PRKN: variants seen among roughly 807,000 people sequenced by gnomAD.
The protein encoded by PRKN is E3 ubiquitin-protein ligase parkin.
Under a neutral mutation model 59.5 loss-of-function variants are expected in PRKN, and 56 were observed. The ratio of observed to expected loss-of-function variants is 0.94; its 90% CI spans 0.76 to 1.18. PRKN has a LOEUF of 1.18. PRKN is among the 50% of genes most tolerant of loss of function. The pLI, the probability that PRKN is intolerant of heterozygous loss-of-function variation, is 0.00. For missense variants in PRKN, 657 were observed against 596.4 expected (o/e 1.10, Z -1.06); for synonymous variants, 250 against 222.1 (o/e 1.13, Z -1.12).
At chr6:161,726,302 G>A (rs968489594) in intron 7 of PRKN, among the ~76,000 whole-genome samples, 3 of 152,214 alleles carry the variant, frequency 2.0e-5, no homozygotes, top group African/African-American at 7.2e-5. Flanking sequence ...ACCACTTGCT[G>A]TAGTAAAAAT....
chr6:162,552,005 C>T (rs570441159), intron 1 of PRKN, among the ~76,000 whole-genome samples: 1 of 151,942 alleles, frequency 6.6e-6, no homozygotes, highest in Non-Finnish European at 1.5e-5. Flanking sequence ...AACTAGGTAT[C>T]CTACCTAGAA....
At chr6:162,423,009 T>C (rs1562753940) in intron 2 of PRKN, among the ~76,000 whole-genome samples, 3 of 151,178 alleles carry the variant, frequency 2.0e-5, no homozygotes, top group Non-Finnish European at 2.9e-5. Context: ...AAATGATTAT[T>C]CTTCTAGTCG....
intron 4 of PRKN, among the ~76,000 whole-genome samples, chr6:162,165,831 C>T (rs544086552): frequency 1.3e-5 from 2 of 151,776 alleles, no homozygotes; most frequent in South Asian, 4.2e-4. Flanking sequence ...GGCGGATCCC[C>T]TTAGGTCAGG....
intron 5 of PRKN, among the ~76,000 whole-genome samples, chr6:161,978,193 G>C (rs756823474): frequency 6.6e-6 from 1 of 152,078 alleles, no homozygotes; most frequent in South Asian, 2.1e-4. Context: ...GGGATTACAG[G>C]CATGTGCCAC....
chr6:162,120,654 T>G (rs145957701), intron 4 of PRKN, among the ~76,000 whole-genome samples: 1 of 152,200 alleles, frequency 6.6e-6, no homozygotes, highest in African/African-American at 2.4e-5. Flanking sequence ...TTCCTGAATA[T>G]GTAATTAGAA....
intron 1 of PRKN, among the ~76,000 whole-genome samples, chr6:162,608,083 T>C (rs1781996236): frequency 6.6e-6 from 1 of 152,186 alleles, no homozygotes; most frequent in African/African-American, 2.4e-5. Flanking sequence ...TTTTGTGTTT[T>C]TACAGAAGAC....
chr6:161,537,658 A>G lies in PRKN; in HGVS notation c.1083+11196T>C, dbSNP rs530051857. Among the ~76,000 whole-genome samples the G allele has an allele frequency of 2.8e-3, 430 of 152,168 alleles. 1 individual carries two copies. The highest frequency in any genetic ancestry group is 9.7e-3 in the African/African-American group (401 of 41,528). On this transcript the variant is annotated intron_variant, in intron 9 of 11. Coordinates refer to ENST00000366898, the MANE Select transcript of PRKN (RefSeq NM_004562.3). ...AGTAGAGACGGGGTTTCACCATGTT[A>G]GCCTGGATGGTCTCGATCTCCTGAC...
chr6:161,909,352 AT>A (rs1778267295), intron 6 of PRKN, among the ~76,000 whole-genome samples: 3 of 152,126 alleles, frequency 2.0e-5, no homozygotes, highest in Admixed American at 2.0e-4. Flanking sequence ...TATTTCATCT[AT>A]TTGTTCTGAA....
chr6:162,579,106 A>AT (rs1376046856), intron 1 of PRKN, among the ~76,000 whole-genome samples: 2 of 152,184 alleles, frequency 1.3e-5, no homozygotes, highest in Admixed American at 6.5e-5. Flanking sequence ...TAGCAAATGA[A>AT]TGTTGAGCCT....
intron 6 of PRKN, among the ~76,000 whole-genome samples, chr6:161,969,060 G>C (rs1780696089): frequency 6.6e-6 from 1 of 152,138 alleles, no homozygotes; most frequent in Non-Finnish European, 1.5e-5. Context: ...AAATTATGCT[G>C]AAAGAGAGGC....
At chr6:161,914,814 CATTA>C (rs1778494970) in intron 6 of PRKN, among the ~76,000 whole-genome samples, 1 of 151,834 alleles carries the variant, frequency 6.6e-6, no homozygotes, top group Non-Finnish European at 1.5e-5. Context: ...CCACAGGCTC[CATTA>C]ACAAGCAGGA....
intron 1 of PRKN, among the ~76,000 whole-genome samples, chr6:162,484,151 G>T (rs1243297256): frequency 1.3e-5 from 2 of 152,202 alleles, no homozygotes; most frequent in African/African-American, 2.4e-5. Flanking sequence ...GGCAAGAGAA[G>T]TTGGTGGGAA....
chr6:162,626,289 C>A (rs528835880), intron 1 of PRKN, among the ~76,000 whole-genome samples: 2 of 152,160 alleles, frequency 1.3e-5, no homozygotes, highest in East Asian at 3.9e-4. Context: ...GTAATGTTTC[C>A]ATTTGAAAGG....
intron 2 of PRKN, among the ~76,000 whole-genome samples, chr6:162,438,051 C>T (rs749332281): frequency 1.3e-5 from 2 of 152,084 alleles, no homozygotes; most frequent in African/African-American, 4.8e-5. Flanking sequence ...TAGCAATTTG[C>T]GAGTAATCCA....
At chr6:162,371,466 AC>A (rs1562709003) in intron 2 of PRKN, among the ~76,000 whole-genome samples, 1 of 152,072 alleles carries the variant, frequency 6.6e-6, no homozygotes, top group Non-Finnish European at 1.5e-5. Flanking sequence ...AGACTTTCAA[AC>A]CCGGCTTTCT....
intron 1 of PRKN, among the ~76,000 whole-genome samples, chr6:162,634,169 AATGC>A (rs1467830807): frequency 7.2e-5 from 11 of 152,130 alleles, no homozygotes; most frequent in Admixed American, 5.9e-4. Flanking sequence ...CCAGGGTTGG[AATGC>A]ATCTGCAGGT....
rs922463289 is a variant in PRKN at position 161,588,610 on chromosome 6, G to C, written c.872-19194C>G. 6.6e-6 allele frequency among the ~76,000 whole-genome samples: 1 copy of C among 151,966 alleles called. No individual in the cohort carries two copies. The highest frequency in any genetic ancestry group is 2.4e-5 in the African/African-American group (1 of 41,372). On this transcript the variant is annotated intron_variant, in intron 7 of 11. Coordinates refer to ENST00000366898, the MANE Select transcript of PRKN (RefSeq NM_004562.3). This position sits in a 1 kb window ranked among gnomAD's most constrained non-coding sequence, Gnocchi z 5.0. ...ACTGGGAGGTGGGGCTGGACCTCTC[G>C]GTGCATACCGTAAAGCCCCATGATA...
chr6:162,677,482 A>C (rs914004251), intron 1 of PRKN, among the ~76,000 whole-genome samples: 39 of 151,860 alleles, frequency 2.6e-4, no homozygotes, highest in Non-Finnish European at 1.3e-4. Context: ...AAAAAAAAAA[A>C]AAAAAACACT....
intron 7 of PRKN, among the ~76,000 whole-genome samples, chr6:161,745,234 A>G (rs16892990): frequency 0.19 from 29,355 of 152,084 alleles, 3,481 homozygotes; most frequent in East Asian, 0.56. Flanking sequence ...ATAAAATAAG[A>G]TATTACTCTG....
Sources: gnomAD v4.1 joint callset for allele counts (sites outside exome capture counted in the v4.1 genomes callset) on GRCh38, gnomAD v4.1.1 for gene constraint, Gnocchi (gnomAD v3.1) non-coding constraint, MANE v1.5 for transcripts, NCBI Gene and HGNC (gene_info 2026-07-23, HGNC 2026-07-21) for gene names.